The following ADK variants were observed in gnomAD, a reference collection of about 807,000 sequenced individuals.
ADK encodes the protein N6,N6-dimethyladenosine kinase.
ADK carries 24 observed loss-of-function variants against 44.7 expected under a neutral mutation model. That is an observed-to-expected ratio of 0.54 (90% CI 0.39 to 0.76). The LOEUF is 0.76. Ranked by LOEUF, ADK falls within the 30% of genes least tolerant of loss-of-function variation. The pLI is 0.00. For missense variants in ADK, 321 were observed against 425.1 expected, an observed-to-expected ratio of 0.76 and a Z score of 2.15; for synonymous variants, 128 against 142.6, an observed-to-expected ratio of 0.90 and a Z score of 0.73.
At chr10:74,610,698 A>G (rs1053504320) in intron 9 of ADK, among the ~76,000 whole-genome samples, 4 of 152,146 alleles carry the variant, frequency 2.6e-5, no homozygotes, top group Admixed American at 6.6e-5. Context: ...TGTTGAATGA[A>G]TCTGTTGAAT....
chr10:74,666,830 CTT>C (rs11317030), intron 9 of ADK, among the ~76,000 whole-genome samples: 146 of 108,994 alleles, frequency 1.3e-3, no homozygotes, highest in Middle Eastern at 0.01. Context: ...AGTTTTGTGA[CTT>C]TTTTTTTTTT....
At chr10:74,201,668 GTATGTATGTATCTATCTATCTATCTATC>G (rs1843392825) in intron 2 of ADK, among the ~76,000 whole-genome samples, 1 of 123,996 alleles carries the variant, frequency 8.1e-6, no homozygotes, top group African/African-American at 3.5e-5. Context: ...ATGTATGTAT[GTATGTATGTATCTATCTATCTATCTATC>G]TATCTATCTA....
chr10:74,417,835 C>G (rs917822793), intron 6 of ADK, among the ~76,000 whole-genome samples: 1 of 151,334 alleles, frequency 6.6e-6, no homozygotes, highest in African/African-American at 2.4e-5. Flanking sequence ...TAAATAATTT[C>G]AAAAATAGTG....
At position 74,479,162 on chromosome 10, in the gene ADK, C is replaced by T. The variant is rs183012098; in HGVS notation, c.556-46094C>T. 4.4e-3 allele frequency among the ~76,000 whole-genome samples: 668 copies of T among 152,122 alleles called. 1 individual carries two copies. The highest frequency in any genetic ancestry group is 6.9e-3 in the Non-Finnish European group (470 of 67,970). ...CACAGGCACGTACCACCACACCTAT[C>T]TAGTTTTTGTATTTTTTGTAAAGAC... On this transcript the variant is annotated intron_variant, in intron 6 of 10. Transcript: ENST00000539909.
chr10:74,655,662 C>G, intron 9 of ADK: 1 of 454,408 alleles, frequency 2.2e-6, no homozygotes, highest in Non-Finnish European at 4.4e-6. Context: ...GCCAGGAAGA[C>G]CCCCGGGCCT....
At chr10:74,597,247 A>G (rs1402569682) in intron 8 of ADK, among the ~76,000 whole-genome samples, 1 of 152,222 alleles carries the variant, frequency 6.6e-6, no homozygotes, top group East Asian at 1.9e-4. Context: ...ACAATTTTTA[A>G]CTTTTTATTT....
chr10:74,535,320 A>G (rs914395922), intron 7 of ADK, among the ~76,000 whole-genome samples: 6 of 152,078 alleles, frequency 3.9e-5, no homozygotes. Context: ...AAAATTAGCC[A>G]GGCATGGTGG....
chr10:74,600,629 T>A (rs1158619483), intron 9 of ADK, 136 bp downstream of exon 9: 2 of 275,478 alleles, frequency 7.3e-6, no homozygotes, highest in African/African-American at 4.6e-5. Flanking sequence ...TTTATTTTAA[T>A]AAATATTTCT....
chr10:74,591,557 C>T (rs113512245), intron 8 of ADK, among the ~76,000 whole-genome samples: 2 of 152,084 alleles, frequency 1.3e-5, no homozygotes, highest in African/African-American at 4.8e-5. Flanking sequence ...TATAATGTCA[C>T]TAAAGTTTCC....
intron 6 of ADK, among the ~76,000 whole-genome samples, chr10:74,450,931 A>G (rs1290187802): frequency 6.6e-6 from 1 of 152,060 alleles, no homozygotes; most frequent in African/African-American, 2.4e-5. Flanking sequence ...GTTAATATAT[A>G]TAAATTGCTC....
intron 7 of ADK, among the ~76,000 whole-genome samples, chr10:74,584,646 T>TC (rs1275570146): frequency 3.3e-5 from 5 of 152,022 alleles, no homozygotes; most frequent in African/African-American, 1.2e-4. Flanking sequence ...CGTTTAGGAG[T>TC]TATAGTATTA....
chr10:74,223,975 G>C (rs1355461448), intron 2 of ADK, among the ~76,000 whole-genome samples: 2 of 152,090 alleles, frequency 1.3e-5, no homozygotes, highest in African/African-American at 2.4e-5. Context: ...TGTAATCCCA[G>C]CTTCTGGGGA....
intron 3 of ADK, among the ~76,000 whole-genome samples, chr10:74,294,443 T>A (rs186775265): frequency 6.6e-6 from 1 of 152,046 alleles, no homozygotes; most frequent in African/African-American, 2.4e-5. Context: ...CACGCCACCA[T>A]GCCCAGATAA....
At chr10:74,266,981 T>G (rs1846236591) in intron 3 of ADK, among the ~76,000 whole-genome samples, 1 of 152,192 alleles carries the variant, frequency 6.6e-6, no homozygotes, top group Non-Finnish European at 1.5e-5. Context: ...AAAGAAAATA[T>G]TAGGGAAAAA....
chr10:74,523,259 G>A (rs1326783912), intron 6 of ADK, among the ~76,000 whole-genome samples: 2 of 152,146 alleles, frequency 1.3e-5, no homozygotes, highest in Non-Finnish European at 2.9e-5. Flanking sequence ...TACTGATGAA[G>A]CTTTGAAAAT....
At chr10:74,556,738 T>C (rs921327405) in intron 7 of ADK, among the ~76,000 whole-genome samples, 1 of 152,230 alleles carries the variant, frequency 6.6e-6, no homozygotes, top group African/African-American at 2.4e-5. Flanking sequence ...CAGGCACAAC[T>C]GGAGGCATGC....
At chr10:74,409,167 AT>A (rs1266966620) in intron 6 of ADK, among the ~76,000 whole-genome samples, 1 of 152,196 alleles carries the variant, frequency 6.6e-6, no homozygotes, top group Non-Finnish European at 1.5e-5. Context: ...TTTGGATTAC[AT>A]TGTGAGTACA....
At chr10:74,694,504 AG>A (rs1323213129) in intron 10 of ADK, among the ~76,000 whole-genome samples, 4 of 152,130 alleles carry the variant, frequency 2.6e-5, no homozygotes, top group African/African-American at 9.7e-5. Context: ...TTTTTGAGAC[AG>A]GGTCTCCCTC....
At chr10:74,506,146 G>A (rs1024256519) in intron 6 of ADK, 2 of 154,168 alleles carry the variant, frequency 1.3e-5, no homozygotes, top group African/African-American at 4.8e-5. Context: ...TAGCAATTCT[G>A]TACTCACATT....
Sources: gnomAD v4.1 joint callset for allele counts (sites outside exome capture counted in the v4.1 genomes callset) on GRCh38, gnomAD v4.1.1 for gene constraint, MANE v1.5 for transcripts, NCBI Gene and HGNC (gene_info 2026-07-23, HGNC 2026-07-21) for gene names.